METTL15: variants seen among roughly 807,000 people sequenced by gnomAD.
The protein encoded by METTL15 is methyltransferase 15, mitochondrial 12S rRNA N4-cytidine.
METTL15 carries 34 observed loss-of-function variants against 38.3 expected under a neutral mutation model. The observed-to-expected ratio is 0.89, with a 90% CI of 0.68 to 1.18. The LOEUF (loss-of-function observed/expected upper bound fraction) is 1.18. Among genes scored for constraint, METTL15 ranks in the 50% most tolerant of loss-of-function variants. The pLI is 0.00. For synonymous variants in METTL15, 162 were observed against 170.9 expected, an observed-to-expected ratio of 0.95 and a Z score of 0.41; for missense variants, 438 against 498.4, an observed-to-expected ratio of 0.88 and a Z score of 1.15.
rs1187004553 is a variant in METTL15 at position 28,312,904 on chromosome 11, G to A, written c.778+15973G>A. ...CTTAAAGGTTTCATCTCTCAATACTGTTAACATTGGGCATTAAGTTTCAAC... is the reference window on the plus strand; with the variant it reads ...CTTAAAGGTTTCATCTCTCAATACTATTAACATTGGGCATTAAGTTTCAAC... On this transcript the variant is annotated intron_variant, in intron 6 of 6. Coordinates refer to ENST00000407364, the MANE Select transcript of METTL15 (RefSeq NM_001113528.2). 2.6e-5 allele frequency among the ~76,000 whole-genome samples: 4 copies of A among 151,566 alleles called. No homozygotes were observed. In the East Asian group the frequency reaches 7.7e-4, roughly 29 times the overall value.
At chr11:28,379,840 C>CT (rs1850362040) in intron 5 of METTL15, among the ~76,000 whole-genome samples, 1 of 152,146 alleles carries the variant, frequency 6.6e-6, no homozygotes, top group African/African-American at 2.4e-5. Context: ...CTATTGCAGT[C>CT]TGTCTCTTCC....
chr11:28,390,367 A>G (rs896134104), intron 5 of METTL15, among the ~76,000 whole-genome samples: 1 of 151,572 alleles, frequency 6.6e-6, no homozygotes, highest in Non-Finnish European at 1.5e-5. Flanking sequence ...TTTAGGTCTA[A>G]TATTTAAGTC....
At chr11:28,395,236 G>C (rs920358801) in intron 5 of METTL15, among the ~76,000 whole-genome samples, 3 of 152,068 alleles carry the variant, frequency 2.0e-5, no homozygotes, top group East Asian at 3.9e-4. Flanking sequence ...CAGCATAAGA[G>C]ACTAGATTCT....
chr11:28,416,939 A>G (rs1047691039), intron 5 of METTL15, among the ~76,000 whole-genome samples: 2 of 152,220 alleles, frequency 1.3e-5, no homozygotes, highest in Admixed American at 1.3e-4. Context: ...AACCTCTGTA[A>G]CATCTTTGGA....
intron 5 of METTL15, among the ~76,000 whole-genome samples, chr11:28,391,178 G>T (rs1048562122): frequency 2.0e-5 from 3 of 151,992 alleles, no homozygotes; most frequent in Admixed American, 6.6e-5. Flanking sequence ...TCTGCAAACA[G>T]GGACAATTTG....
At chr11:28,383,449 T>C (rs186503357) in intron 5 of METTL15, among the ~76,000 whole-genome samples, 1 of 152,300 alleles carries the variant, frequency 6.6e-6, no homozygotes, top group Admixed American at 6.5e-5. Context: ...GTCTTTTTGG[T>C]AGAATAGTTT....
At chr11:28,231,120 G>A (rs972605399) in intron 4 of METTL15, among the ~76,000 whole-genome samples, 1 of 151,780 alleles carries the variant, frequency 6.6e-6, no homozygotes, top group African/African-American at 2.4e-5. Flanking sequence ...CTGTTTTGGG[G>A]CAGATATTAA....
intron 3 of METTL15, among the ~76,000 whole-genome samples, chr11:28,341,025 G>A (rs1041040636): frequency 5.9e-5 from 9 of 152,124 alleles, no homozygotes; most frequent in Non-Finnish European, 1.2e-4. Context: ...TTGCAGGAAC[G>A]TGGATGAAGC....
At chr11:28,273,983 G>A (rs1855747248) in intron 4 of METTL15, among the ~76,000 whole-genome samples, 1 of 152,036 alleles carries the variant, frequency 6.6e-6, no homozygotes, top group Non-Finnish European at 1.5e-5. Flanking sequence ...CCTGGTTGGG[G>A]AGATTATTTC....
At chr11:28,445,130 A>C (rs2133443415) in intron 6 of METTL15, among the ~76,000 whole-genome samples, 1 of 152,254 alleles carries the variant, frequency 6.6e-6, no homozygotes, top group African/African-American at 2.4e-5. Context: ...CACTTTTCCT[A>C]GTGGTGAGGA....
At chr11:28,186,622 A>C (rs1851503819) in intron 3 of METTL15, among the ~76,000 whole-genome samples, 1 of 151,168 alleles carries the variant, frequency 6.6e-6, no homozygotes, top group Admixed American at 6.6e-5. Flanking sequence ...AGGTGAAAAT[A>C]GTGAAGGTTA....
downstream of METTL15, among the ~76,000 whole-genome samples, chr11:28,334,566 A>G (rs1362016164): frequency 6.6e-6 from 1 of 152,106 alleles, no homozygotes; most frequent in African/African-American, 2.4e-5. Flanking sequence ...TCTCATAACC[A>G]CAATGCCATA....
intron 3 of METTL15, among the ~76,000 whole-genome samples, chr11:28,187,615 A>G (rs1851547698): frequency 1.3e-5 from 2 of 150,420 alleles, no homozygotes; most frequent in African/African-American, 4.9e-5. Context: ...CTAGACATAT[A>G]GTATAATTTT....
intron 4 of METTL15, among the ~76,000 whole-genome samples, chr11:28,231,978 T>C (rs537260968): frequency 2.6e-5 from 4 of 152,044 alleles, no homozygotes; most frequent in Admixed American, 1.3e-4. Flanking sequence ...GATGAATAAA[T>C]GAATGGATGA....
At chr11:28,338,882 G>A (rs1233649707) in intron 3 of METTL15, among the ~76,000 whole-genome samples, 2 of 152,036 alleles carry the variant, frequency 1.3e-5, no homozygotes, top group Non-Finnish European at 2.9e-5. Flanking sequence ...AAGAAATCTA[G>A]GTGAAAGCAT....
chr11:28,245,047 T>C (rs540047500), intron 4 of METTL15, among the ~76,000 whole-genome samples: 4 of 152,350 alleles, frequency 2.6e-5, no homozygotes, highest in African/African-American at 9.6e-5. Flanking sequence ...CCTGAACTGA[T>C]GTTCAGCTAG....
chr11:28,460,314 C>G (rs770653073), intron 6 of METTL15, among the ~76,000 whole-genome samples: 9 of 151,924 alleles, frequency 5.9e-5, no homozygotes, highest in Non-Finnish European at 1.2e-4. Flanking sequence ...TAATCAGAAA[C>G]AAATTTGATT....
chr11:28,377,157 G>A (rs1472055834), intron 5 of METTL15, among the ~76,000 whole-genome samples: 6 of 147,286 alleles, frequency 4.1e-5, no homozygotes, highest in African/African-American at 4.9e-5. Context: ...CTCTTCTCAA[G>A]GAGTATCTTT....
At chr11:28,153,661 T>G (rs1005208393) in intron 3 of METTL15, among the ~76,000 whole-genome samples, 2 of 152,192 alleles carry the variant, frequency 1.3e-5, no homozygotes, top group African/African-American at 4.8e-5. Context: ...TTTACTGTTG[T>G]ACTTAAGTTT....
Sources: allele counts gnomAD v4.1 joint callset (sites outside exome capture counted in the v4.1 genomes callset), GRCh38; gene constraint gnomAD v4.1.1; transcripts MANE v1.5; gene names NCBI Gene and HGNC (gene_info 2026-07-23, HGNC 2026-07-21).